The following ALCAM variants were observed in gnomAD, a reference collection of about 807,000 sequenced individuals.
The protein encoded by ALCAM is CD166 antigen.
In ALCAM, 30 loss-of-function variants were observed where a neutral mutation model predicts 70.9. The observed-to-expected ratio is 0.42, with a 90% CI of 0.32 to 0.57. ALCAM has a LOEUF of 0.57. Ranked by LOEUF, ALCAM falls within the 20% of genes least tolerant of loss-of-function variation. ALCAM has a pLI of 0.11. For synonymous variants in ALCAM, 249 were observed against 242.5 expected, an observed-to-expected ratio of 1.03 and a Z score of -0.25; for missense variants, 591 against 695.1, an observed-to-expected ratio of 0.85 and a Z score of 1.68.
intron 1 of ALCAM, among the ~76,000 whole-genome samples, chr3:105,479,904 T>C (rs1194258313): frequency 1.3e-5 from 2 of 152,058 alleles, no homozygotes; most frequent in Admixed American, 6.6e-5. Flanking sequence ...TTCAATTTAT[T>C]TGTGACCAGT....
chr3:105,402,938 C>CTTCTT (rs1936124536), intron 1 of ALCAM, among the ~76,000 whole-genome samples: 2 of 117,226 alleles, frequency 1.7e-5, no homozygotes, highest in South Asian at 2.6e-4. Context: ...AGCTGATGCG[C>CTTCTT]TTTTTTTTTT....
intron 14 of ALCAM, among the ~76,000 whole-genome samples, chr3:105,567,064 TA>T: frequency 6.6e-6 from 1 of 152,312 alleles, no homozygotes; most frequent in African/African-American, 2.4e-5. Context: ...TTCAGCATTT[TA>T]AAGATGTTTA....
In ALCAM at chr3:105,448,084, T is replaced by C. The variant is rs1412263440; in HGVS notation, c.74-71983T>C. On this transcript the variant is annotated intron_variant, in intron 1 of 15. Transcript: ENST00000306107. ...CAGTTGGGATTATGATTTCTAATGGTGTGGAAACCCTGTTTTATAAAAATA... is the reference window on the plus strand; with the variant it reads ...CAGTTGGGATTATGATTTCTAATGGCGTGGAAACCCTGTTTTATAAAAATA... Among the ~76,000 whole-genome samples the C allele has an allele frequency of 3.3e-5, 5 of 152,180 alleles. No homozygotes were observed. The East Asian group carries it at 9.6e-4, about 29-fold the overall frequency.
chr3:105,461,851 C>T (rs918278253), intron 1 of ALCAM, among the ~76,000 whole-genome samples: 4 of 151,594 alleles, frequency 2.6e-5, no homozygotes, highest in African/African-American at 9.7e-5. Flanking sequence ...GTGCCAAACA[C>T]TTGTCTAGGG....
At chr3:105,388,869 T>G (rs1213347866) in intron 1 of ALCAM, among the ~76,000 whole-genome samples, 1 of 151,560 alleles carries the variant, frequency 6.6e-6, no homozygotes, top group African/African-American at 2.4e-5. Flanking sequence ...ACGTTTTAGA[T>G]AGTAAAGATT....
chr3:105,484,080 G>A lies in ALCAM; in HGVS notation c.74-35987G>A, dbSNP rs1478415660. Among the ~76,000 whole-genome samples, 3 of 151,804 alleles carry A rather than the reference G, an allele frequency of 2.0e-5. No individual in the cohort carries two copies. In the East Asian group the frequency reaches 5.8e-4, roughly 29 times the overall value. On this transcript the variant is annotated intron_variant, in intron 1 of 15. Coordinates refer to ENST00000306107, the MANE Select transcript of ALCAM (RefSeq NM_001627.4). ...TTAATATATTACATACAGTATTAGA[G>A]GTATAAAGGAAAGCGTTCTTGGTCA...
chr3:105,498,030 CAAA>C (rs769545606), intron 1 of ALCAM, among the ~76,000 whole-genome samples: 1 of 103,056 alleles, frequency 9.7e-6, no homozygotes, highest in Non-Finnish European at 2.1e-5. Context: ...GACTCTGCCT[CAAA>C]AAAAAAAAAA....
chr3:105,433,155 G>C (rs943673663), intron 1 of ALCAM, among the ~76,000 whole-genome samples: 1 of 152,078 alleles, frequency 6.6e-6, no homozygotes, highest in African/African-American at 2.4e-5. Context: ...TCTAAGAACT[G>C]TTCTTAGTTT....
At chr3:105,409,796 G>A (rs192672826) in intron 1 of ALCAM, among the ~76,000 whole-genome samples, 9 of 152,116 alleles carry the variant, frequency 5.9e-5, no homozygotes, top group Admixed American at 5.2e-4. Context: ...TAAACAACGA[G>A]TTTGGGCCAG....
intron 9 of ALCAM, 82 bp downstream of exon 9, chr3:105,545,417 T>C: frequency 4.3e-6 from 4 of 934,100 alleles, no homozygotes; most frequent in African/African-American, 1.6e-5. Flanking sequence ...TGTATTCAAG[T>C]AGGTATATTC....
In ALCAM at chr3:105,517,191, C is replaced by G. The variant is rs570499383; in HGVS notation, c.74-2876C>G. Among the ~76,000 whole-genome samples, 81 of 152,222 alleles carry G rather than the reference C, an allele frequency of 5.3e-4. 1 individual carries two copies. The South Asian group carries it at 0.01, about 19-fold the overall frequency. ...TAGCTCTCCCACAGATGCAAGCCTT[C>G]AGTCCTTCTGTCAGATGAACTTGGG... On this transcript the variant is annotated intron_variant, in intron 1 of 15. Coordinates refer to ENST00000306107, the MANE Select transcript of ALCAM (RefSeq NM_001627.4).
chr3:105,389,358 T>C (rs562648173), intron 1 of ALCAM, among the ~76,000 whole-genome samples: 60 of 138,294 alleles, frequency 4.3e-4, no homozygotes, highest in Admixed American at 1.6e-3. Flanking sequence ...ACTTGTATGC[T>C]CATATATACA....
intron 14 of ALCAM, among the ~76,000 whole-genome samples, chr3:105,554,584 A>G (rs1369432707): frequency 1.3e-5 from 2 of 151,928 alleles, no homozygotes; most frequent in Non-Finnish European, 2.9e-5. Context: ...AACCACCACA[A>G]CTTGGTAACC....
At chr3:105,525,301 A>G (rs970684109) in intron 3 of ALCAM, 3 of 981,090 alleles carry the variant, frequency 3.1e-6, no homozygotes, top group South Asian at 4.7e-5. Flanking sequence ...TAATGATAGC[A>G]TATAGTTAAT....
At chr3:105,433,756 C>T (rs1335703091) in intron 1 of ALCAM, among the ~76,000 whole-genome samples, 1 of 138,514 alleles carries the variant, frequency 7.2e-6, no homozygotes, top group African/African-American at 2.7e-5. Flanking sequence ...GGCTTTCTAT[C>T]ACCTTAAGAA....
At chr3:105,383,632 A>T (rs543257711) in intron 1 of ALCAM, among the ~76,000 whole-genome samples, 1 of 151,860 alleles carries the variant, frequency 6.6e-6, no homozygotes, top group East Asian at 1.9e-4. Flanking sequence ...TACCCATGCT[A>T]TGCAAATTGA....
intron 14 of ALCAM, among the ~76,000 whole-genome samples, chr3:105,566,676 G>A (rs1296948930): frequency 6.6e-6 from 1 of 152,076 alleles, no homozygotes; most frequent in Non-Finnish European, 1.5e-5. Context: ...AAAAATCTAA[G>A]ATTTTTGAAG....
intron 1 of ALCAM, among the ~76,000 whole-genome samples, chr3:105,405,067 C>T (rs568428388): frequency 2.0e-5 from 3 of 151,956 alleles, no homozygotes; most frequent in African/African-American, 7.2e-5. Context: ...CACTTGAGGT[C>T]GGGAATTCGA....
At chr3:105,426,843 C>CA (rs1298749891) in intron 1 of ALCAM, among the ~76,000 whole-genome samples, 1 of 151,754 alleles carries the variant, frequency 6.6e-6, no homozygotes, top group Non-Finnish European at 1.5e-5. Flanking sequence ...AAAAAAACAA[C>CA]AAAAAGGAAT....
Sources: allele counts gnomAD v4.1 joint callset (sites outside exome capture counted in the v4.1 genomes callset), GRCh38; gene constraint gnomAD v4.1.1; transcripts MANE v1.5; gene names NCBI Gene and HGNC (gene_info 2026-07-23, HGNC 2026-07-21).